The following LRRTM4 variants were observed in gnomAD, a reference collection of about 807,000 sequenced individuals.
The protein encoded by LRRTM4 is leucine rich repeat transmembrane neuronal 4.
LRRTM4 carries 25 observed loss-of-function variants against 47.6 expected under a neutral mutation model. The ratio of observed to expected loss-of-function variants is 0.53; its 90% CI spans 0.38 to 0.73. LRRTM4 has a LOEUF of 0.73. LRRTM4 is among the 30% of genes least tolerant of loss of function. The pLI, the probability that LRRTM4 is intolerant of heterozygous loss-of-function variation, is 0.00. For missense variants in LRRTM4, 638 were observed against 713.4 expected (o/e 0.89, Z 1.20); for synonymous variants, 311 against 269.5 (o/e 1.15, Z -1.51).
At chr2:76,997,475 G>C (rs1339619973) in intron 3 of LRRTM4, among the ~76,000 whole-genome samples, 1 of 152,080 alleles carries the variant, frequency 6.6e-6, no homozygotes, top group Admixed American at 6.6e-5. Flanking sequence ...ATATGAATCT[G>C]AAACCCTAAA....
At chr2:76,936,953 TCAAA>T (rs1674972342) in intron 3 of LRRTM4, among the ~76,000 whole-genome samples, 1 of 10,860 alleles carries the variant, frequency 9.2e-5, no homozygotes. Context: ...AGACTCCATC[TCAAA>T]AAAAAAAAAA....
At chr2:76,980,730 A>T (rs1676575050) in intron 3 of LRRTM4, among the ~76,000 whole-genome samples, 1 of 152,178 alleles carries the variant, frequency 6.6e-6, no homozygotes, top group East Asian at 1.9e-4. Flanking sequence ...AGCATTTGGT[A>T]ACCATGAGAA....
chr2:77,418,906 A>C (rs566258532), intron 3 of LRRTM4, among the ~76,000 whole-genome samples: 1 of 152,246 alleles, frequency 6.6e-6, no homozygotes, highest in South Asian at 2.1e-4. Context: ...TCCACTATAC[A>C]ATGGCATTTA....
rs918858725 is a variant in LRRTM4, at chr2:77,108,764, T to C, written c.1552-359848A>G. 4.6e-5 allele frequency among the ~76,000 whole-genome samples: 7 copies of C among 151,900 alleles called. No individual in the cohort carries two copies. In the South Asian group the frequency reaches 1.0e-3, roughly 22 times the overall value. On this transcript the variant is annotated intron_variant, in intron 3 of 3. Coordinates refer to ENST00000409884, the MANE Select transcript of LRRTM4 (RefSeq NM_001134745.3). ...ACGCCCGGCTAATTTTTTGTATTTT[T>C]AGTAGAGACGGGGTTTCACCGTTTT...
In LRRTM4 at chr2:77,388,803, G is replaced by C. The variant is rs1019099796; in HGVS notation, c.1551+129515C>G. On this transcript the variant is annotated intron_variant, in intron 3 of 3. Coordinates refer to ENST00000409884, the MANE Select transcript of LRRTM4 (RefSeq NM_001134745.3). ...AAATATATATAGAGAGAGATATATA[G>C]ATAAAAAATCTGTATGTATTTATAC... is the stretch of plus-strand genomic sequence containing the variant. 2.6e-5 allele frequency among the ~76,000 whole-genome samples: 4 copies of C among 151,866 alleles called. No individual in the cohort carries two copies. The East Asian group carries it at 7.8e-4, about 29-fold the overall frequency.
At chr2:77,491,066 A>C (rs1051535075) in intron 3 of LRRTM4, among the ~76,000 whole-genome samples, 1 of 152,140 alleles carries the variant, frequency 6.6e-6, no homozygotes, top group Admixed American at 6.5e-5. Flanking sequence ...ATGACAAAAT[A>C]GAAGAGAAGA....
At chr2:76,804,035 C>G (rs72815461) in intron 3 of LRRTM4, among the ~76,000 whole-genome samples, 23,917 of 152,104 alleles carry the variant, frequency 0.16, 2,037 homozygotes, top group African/African-American at 0.2. Context: ...TACTCTGGGA[C>G]AGCCTCTTGA....
chr2:77,296,258 C>A (rs1158478990), intron 3 of LRRTM4, among the ~76,000 whole-genome samples: 4 of 152,180 alleles, frequency 2.6e-5, no homozygotes, highest in African/African-American at 9.7e-5. Context: ...TATTTCCTCT[C>A]ATAAGAAAAC....
At chr2:77,018,048 TTC>T (rs1429710289) in intron 3 of LRRTM4, among the ~76,000 whole-genome samples, 3 of 151,966 alleles carry the variant, frequency 2.0e-5, no homozygotes, top group African/African-American at 7.2e-5. Context: ...TATACTTGAC[TTC>T]TTTTTATAGC....
chr2:76,880,696 G>A (rs780036268), intron 3 of LRRTM4, among the ~76,000 whole-genome samples: 11 of 152,058 alleles, frequency 7.2e-5, no homozygotes, highest in Admixed American at 2.6e-4. Flanking sequence ...AAACTGATTC[G>A]ATCCCTAGGC....
chr2:77,396,447 G>C (rs956612772), intron 3 of LRRTM4, among the ~76,000 whole-genome samples: 4 of 151,774 alleles, frequency 2.6e-5, no homozygotes, highest in African/African-American at 9.7e-5. Flanking sequence ...CTCCCACAGT[G>C]CCTAGACAGC....
chr2:77,375,916 A>G (rs890564777), intron 3 of LRRTM4, among the ~76,000 whole-genome samples: 3 of 151,724 alleles, frequency 2.0e-5, no homozygotes, highest in East Asian at 3.9e-4. Flanking sequence ...TTGAATAGCA[A>G]TTCCCCATTT....
intron 3 of LRRTM4, among the ~76,000 whole-genome samples, chr2:77,041,782 T>C (rs1558544618): frequency 6.6e-6 from 1 of 150,384 alleles, no homozygotes; most frequent in Admixed American, 6.6e-5. Flanking sequence ...GTTTTTAATA[T>C]TAGGTCGGTG....
chr2:76,902,511 T>G (rs1393038348), intron 3 of LRRTM4, among the ~76,000 whole-genome samples: 1 of 152,192 alleles, frequency 6.6e-6, no homozygotes, highest in Admixed American at 6.6e-5. Context: ...TGGACTTTGA[T>G]GACCTTGATG....
chr2:77,499,078 C>G (rs55777925), intron 3 of LRRTM4, among the ~76,000 whole-genome samples: 36,388 of 151,712 alleles, frequency 0.24, 4,539 homozygotes, highest in Middle Eastern at 0.3. Flanking sequence ...ATTAATAATC[C>G]TCAACCACGG....
intron 3 of LRRTM4, among the ~76,000 whole-genome samples, chr2:77,137,790 CA>C (rs543902705): frequency 8.0e-4 from 122 of 151,948 alleles, no homozygotes; most frequent in Non-Finnish European, 1.5e-3. Context: ...ATCTACCAAG[CA>C]AATTTAAAAC....
intron 3 of LRRTM4, among the ~76,000 whole-genome samples, chr2:76,813,562 G>A (rs1454721256): frequency 1.3e-5 from 2 of 151,786 alleles, no homozygotes; most frequent in South Asian, 2.1e-4. Context: ...TGTATTTTAG[G>A]TGCAAACTAA....
chr2:77,125,906 AATATAT>A (rs71964749), intron 3 of LRRTM4, among the ~76,000 whole-genome samples: 5 of 146,684 alleles, frequency 3.4e-5, no homozygotes, highest in South Asian at 2.1e-4. Flanking sequence ...ATATGCGTTG[AATATAT>A]ATATATATAT....
At chr2:77,402,193 T>C (rs1452014587) in intron 3 of LRRTM4, among the ~76,000 whole-genome samples, 1 of 151,996 alleles carries the variant, frequency 6.6e-6, no homozygotes, top group Non-Finnish European at 1.5e-5. Context: ...TCACCCAGGC[T>C]GGAGTGCAGT....
Sources: gnomAD v4.1 joint callset for allele counts (sites outside exome capture counted in the v4.1 genomes callset) on GRCh38, gnomAD v4.1.1 for gene constraint, MANE v1.5 for transcripts, NCBI Gene and HGNC (gene_info 2026-07-23, HGNC 2026-07-21) for gene names.